C8orf34: variants seen among roughly 807,000 people sequenced by gnomAD.
C8orf34 encodes the protein chromosome 8 open reading frame 34.
C8orf34 carries 65 observed loss-of-function variants against 68.3 expected under a neutral mutation model. That is an observed-to-expected ratio of 0.95 (90% CI 0.78 to 1.17). The LOEUF is 1.17. C8orf34 is among the 50% of genes most tolerant of loss of function. C8orf34 has a pLI of 0.00. For synonymous variants in C8orf34, 244 were observed against 241.2 expected (o/e 1.01, Z -0.11); for missense variants, 664 against 655.4 (o/e 1.01, Z -0.14).
intron 3 of C8orf34, among the ~76,000 whole-genome samples, chr8:68,459,658 G>T (rs1811705950): frequency 6.6e-6 from 1 of 152,178 alleles, no homozygotes; most frequent in Admixed American, 6.5e-5. Flanking sequence ...CCACTACTGG[G>T]TATCTACCCA....
intron 7 of C8orf34, among the ~76,000 whole-genome samples, chr8:68,624,618 T>G (rs897090494): frequency 2.6e-5 from 4 of 152,214 alleles, no homozygotes; most frequent in Middle Eastern, 3.2e-3. Context: ...TATCATGGTG[T>G]TGTGATCATT....
chr8:68,631,457 A>T (rs1033184702), intron 7 of C8orf34, among the ~76,000 whole-genome samples: 2 of 152,110 alleles, frequency 1.3e-5, no homozygotes, highest in African/African-American at 4.8e-5. Context: ...CATGATTATT[A>T]TAATAATATC....
At chr8:68,684,498 T>C (rs765030532) in intron 8 of C8orf34, among the ~76,000 whole-genome samples, 4 of 152,272 alleles carry the variant, frequency 2.6e-5, no homozygotes, top group Middle Eastern at 3.4e-3. Flanking sequence ...GCCATTTAGA[T>C]AGCTAGCCAT....
intron 12 of C8orf34, among the ~76,000 whole-genome samples, chr8:68,809,744 A>G (rs1017066757): frequency 6.6e-6 from 1 of 152,208 alleles, no homozygotes; most frequent in Non-Finnish European, 1.5e-5. Flanking sequence ...ACCAATGAAT[A>G]AACTATTCCC....
intron 10 of C8orf34, among the ~76,000 whole-genome samples, chr8:68,771,740 A>T (rs1357538361): frequency 1.3e-5 from 2 of 152,188 alleles, no homozygotes; most frequent in Non-Finnish European, 2.9e-5. Flanking sequence ...AGAGGCTACA[A>T]CAGTTCCCAG....
intron 10 of C8orf34, among the ~76,000 whole-genome samples, chr8:68,771,284 C>T (rs1823327848): frequency 6.6e-6 from 1 of 152,246 alleles, no homozygotes; most frequent in East Asian, 1.9e-4. Flanking sequence ...ATAGTAGTTG[C>T]TGCCTATAGA....
At chr8:68,452,816 G>T (rs531749217) in intron 3 of C8orf34, among the ~76,000 whole-genome samples, 130 of 150,550 alleles carry the variant, frequency 8.6e-4, no homozygotes, top group African/African-American at 2.9e-3. Context: ...TGTGTTTTTG[G>T]TGTCATATCT....
At chr8:68,384,517 C>G (rs1808177896) in intron 1 of C8orf34, among the ~76,000 whole-genome samples, 1 of 152,136 alleles carries the variant, frequency 6.6e-6, no homozygotes, top group South Asian at 2.1e-4. Flanking sequence ...TAGTAAAACT[C>G]TAGGCTGTAT....
At chr8:68,455,057 C>A (rs1480562501) in intron 3 of C8orf34, among the ~76,000 whole-genome samples, 2 of 151,942 alleles carry the variant, frequency 1.3e-5, no homozygotes, top group African/African-American at 4.8e-5. Context: ...GTGAATTTCC[C>A]ATTTTTCTTT....
intron 2 of C8orf34, among the ~76,000 whole-genome samples, chr8:68,440,845 C>T: frequency 6.6e-6 from 1 of 150,422 alleles, no homozygotes; most frequent in Non-Finnish European, 1.5e-5. Context: ...TGCTCTGTCA[C>T]CCAGGCTGGA....
At chr8:68,339,503 A>T (rs2129617951) in intron 1 of C8orf34, among the ~76,000 whole-genome samples, 1 of 152,018 alleles carries the variant, frequency 6.6e-6, no homozygotes, top group South Asian at 2.1e-4. Context: ...AAAAAGTTAA[A>T]GAATATCTAA....
intron 8 of C8orf34, among the ~76,000 whole-genome samples, chr8:68,686,161 A>G: frequency 6.6e-6 from 1 of 152,024 alleles, no homozygotes; most frequent in South Asian, 2.1e-4. Flanking sequence ...CACCAACAAC[A>G]GAAAAGCCCA....
In C8orf34 at chr8:68,575,956, G is replaced by GGTTTTTTTTTTTT. The variant is rs747862590; in HGVS notation, c.1105+42807_1105+42808insGTTTTTTTTTTTT. ...GCTGACATAATGCTAGTAGATGGTT[G>GGTTTTTTTTTTTT]TTTTTTTTTTTTTTTTTTTTTGCCT... On this transcript the variant is annotated intron_variant, in intron 7 of 13. Coordinates refer to ENST00000518698, the MANE Select transcript of C8orf34 (RefSeq NM_052958.4). Among the ~76,000 whole-genome samples the GGTTTTTTTTTTTT allele has an allele frequency of 6.2e-5, 6 of 96,348 alleles. 2 individuals are homozygous for GGTTTTTTTTTTTT. The highest frequency in any genetic ancestry group is 7.1e-5 in the African/African-American group (2 of 28,002). The allele number at this position is 96,348 out of a possible 152,430, so 63.2% of individuals were successfully genotyped here.
chr8:68,425,902 C>G (rs574647248), intron 1 of C8orf34, among the ~76,000 whole-genome samples: 2 of 151,908 alleles, frequency 1.3e-5, no homozygotes, highest in South Asian at 4.2e-4. Flanking sequence ...GACAAAGACA[C>G]AAAAGTAATT....
chr8:68,543,491 T>C (rs1405938190), intron 7 of C8orf34, among the ~76,000 whole-genome samples: 1 of 152,178 alleles, frequency 6.6e-6, no homozygotes, highest in Non-Finnish European at 1.5e-5. Flanking sequence ...ACATTTACAA[T>C]ATACAATGTA....
intron 12 of C8orf34, among the ~76,000 whole-genome samples, chr8:68,797,925 C>T (rs975367914): frequency 1.3e-5 from 2 of 151,990 alleles, no homozygotes; most frequent in African/African-American, 4.8e-5. Flanking sequence ...GGGTATCTCA[C>T]ACAACACAAA....
chr8:68,537,075 ACT>A (rs1815509022), intron 7 of C8orf34, among the ~76,000 whole-genome samples: 1 of 151,994 alleles, frequency 6.6e-6, no homozygotes, highest in Non-Finnish European at 1.5e-5. Context: ...GTAAATATTC[ACT>A]CTTTGTTCTG....
At chr8:68,457,550 T>A (rs1811605436) in intron 3 of C8orf34, among the ~76,000 whole-genome samples, 1 of 152,176 alleles carries the variant, frequency 6.6e-6, no homozygotes, top group Admixed American at 6.5e-5. Flanking sequence ...GAGGAAACAG[T>A]AAATTTATTT....
At chr8:68,570,824 C>A (rs556398541) in intron 7 of C8orf34, among the ~76,000 whole-genome samples, 4 of 152,090 alleles carry the variant, frequency 2.6e-5, no homozygotes, top group Non-Finnish European at 4.4e-5. Flanking sequence ...CATTAAGGTA[C>A]GAGAAGCACC....
Sources: allele counts gnomAD v4.1 joint callset (sites outside exome capture counted in the v4.1 genomes callset), GRCh38; gene constraint gnomAD v4.1.1; transcripts MANE v1.5; gene names NCBI Gene and HGNC (gene_info 2026-07-23, HGNC 2026-07-21).